Variants in KDM4C observed in about 807,000 individuals in gnomAD.
KDM4C encodes the protein lysine demethylase 4C.
KDM4C carries 81 observed loss-of-function variants against 129.3 expected under a neutral mutation model. The ratio of observed to expected loss-of-function variants is 0.63; its 90% CI spans 0.52 to 0.75. KDM4C has a LOEUF of 0.75. Ranked by LOEUF, KDM4C falls within the 30% of genes least tolerant of loss-of-function variation. The pLI is 0.00. For synonymous variants in KDM4C, 573 were observed against 456.1 expected (o/e 1.26, Z -3.26); for missense variants, 1,457 against 1,304.0 (o/e 1.12, Z -1.81).
chr9:6,904,750 T>C (rs746939532), intron 8 of KDM4C, among the ~76,000 whole-genome samples: 16 of 152,250 alleles, frequency 1.1e-4, no homozygotes, highest in Non-Finnish European at 2.1e-4. Context: ...AGAAAAACTT[T>C]AATAAATTCC....
intron 4 of KDM4C, among the ~76,000 whole-genome samples, chr9:6,840,452 A>G (rs1479114542): frequency 6.6e-6 from 1 of 151,550 alleles, no homozygotes; most frequent in Non-Finnish European, 1.5e-5. Context: ...GCTGGAGTGC[A>G]GTGGTGGGAT....
chr9:7,164,279 A>C (rs1312633348), intron 19 of KDM4C, among the ~76,000 whole-genome samples: 1 of 152,182 alleles, frequency 6.6e-6, no homozygotes, highest in Admixed American at 6.5e-5. Context: ...ATACAAATTT[A>C]AAAGTTTGCA....
chr9:6,833,119 T>C (rs1835209854), intron 4 of KDM4C, among the ~76,000 whole-genome samples: 1 of 151,958 alleles, frequency 6.6e-6, no homozygotes, highest in Non-Finnish European at 1.5e-5. Flanking sequence ...ATGGCTGTTT[T>C]AGTATATGTT....
At position 7,103,884 on chromosome 9, in the gene KDM4C, T is replaced by C; in HGVS notation, c.2610+14T>C. ...AACCCCAACGTGGTAAGATGTGCCC[T>C]CCCTTCCTCAGTGCTAAGACCGTGT... On this transcript the variant is annotated intron_variant, in intron 18 of 21. Transcript: ENST00000381309. 1 of 1,612,054 alleles carries C rather than the reference T, an allele frequency of 6.2e-7. No individual in the cohort carries two copies. The highest frequency in any genetic ancestry group is 8.5e-7 in the Non-Finnish European group (1 of 1,178,360).
chr9:6,983,842 C>A (rs1354337073), intron 9 of KDM4C, among the ~76,000 whole-genome samples: 1 of 152,028 alleles, frequency 6.6e-6, no homozygotes, highest in Non-Finnish European at 1.5e-5. Context: ...ATTTCTGTCT[C>A]ATTTCAACAT....
chr9:6,920,288 A>G (rs575651189), intron 8 of KDM4C, among the ~76,000 whole-genome samples: 1 of 152,308 alleles, frequency 6.6e-6, no homozygotes, highest in South Asian at 2.1e-4. Flanking sequence ...AAACAGTTCA[A>G]AAAAGAAAAT....
Position 7,104,132 on chromosome 9 carries a change from C to G in KDM4C, c.2610+262C>G, listed in dbSNP as rs954778305. ...AATGAACAGATGCATGCAGAAAACT[C>G]TCCATGCCTGTTCTGGTGTTGGATC... is the stretch of plus-strand genomic sequence containing the variant. On this transcript the variant is annotated intron_variant, in intron 18 of 21. Transcript: ENST00000381309. The G allele has an allele frequency of 7.7e-5, 32 of 417,032 alleles. No homozygotes were observed. The Admixed American group carries it at 9.7e-4, about 13-fold the overall frequency. The allele number at this position is 417,032 out of a possible 1,614,324, so 25.8% of individuals were successfully genotyped here. A position where few individuals can be genotyped will look rare whatever the true frequency, so the allele number is the denominator to read the frequency against.
chr9:6,863,599 A>G (rs1402549300), intron 5 of KDM4C, among the ~76,000 whole-genome samples: 2 of 152,048 alleles, frequency 1.3e-5, no homozygotes, highest in Non-Finnish European at 2.9e-5. Context: ...GATCGAGACC[A>G]TCCTGGCTAA....
intron 15 of KDM4C, among the ~76,000 whole-genome samples, chr9:7,025,944 C>A (rs1332607677): frequency 6.6e-6 from 1 of 152,166 alleles, no homozygotes; most frequent in Non-Finnish European, 1.5e-5. Context: ...GTGGCCCATG[C>A]CTGTAATCCC....
chr9:7,053,343 G>A (rs938610115), intron 17 of KDM4C, among the ~76,000 whole-genome samples: 1 of 152,092 alleles, frequency 6.6e-6, no homozygotes, highest in African/African-American at 2.4e-5. Flanking sequence ...ATTTTGTGGC[G>A]GATACAGGAA....
At chr9:7,058,327 A>C (rs959973679) in intron 17 of KDM4C, among the ~76,000 whole-genome samples, 1 of 152,214 alleles carries the variant, frequency 6.6e-6, no homozygotes, top group Admixed American at 6.5e-5. Context: ...TGCAAGTGCA[A>C]CGGCTGGTAA....
At chr9:6,747,460 A>G (rs766778091) in intron 1 of KDM4C, among the ~76,000 whole-genome samples, 7 of 148,740 alleles carry the variant, frequency 4.7e-5, no homozygotes, top group Non-Finnish European at 8.9e-5. Flanking sequence ...AGGCAGGAGA[A>G]TAGTGTGAAC....
At chr9:7,021,120 A>ATGTGTGTG (rs576805327) in intron 15 of KDM4C, among the ~76,000 whole-genome samples, 2 of 128,300 alleles carry the variant, frequency 1.6e-5, no homozygotes, top group African/African-American at 5.7e-5. Flanking sequence ...ACATATATAT[A>ATGTGTGTG]TGTGTGTGTG....
intron 5 of KDM4C, among the ~76,000 whole-genome samples, chr9:6,867,859 G>A (rs1588827989): frequency 6.6e-6 from 1 of 152,102 alleles, no homozygotes; most frequent in East Asian, 1.9e-4. Flanking sequence ...TTTTATTGCA[G>A]TAGCAGAACG....
In KDM4C at chr9:6,986,498, C is replaced by G. The variant is rs373821690; in HGVS notation, c.1509C>G (p.Ser503=). Residue 503 remains serine, a synonymous_variant, in exon 11 of 22, where the codon TCC becomes TCG. Coordinates refer to ENST00000381309, the MANE Select transcript of KDM4C (RefSeq NM_015061.6). ...AGAAGCCCGAGAAATCAGACCCATC[C>G]GAGCTTTCATGGCCAAAGTCACCTG... ...GYEKPEKSDP[S]ELSWPKSPES... 1.2e-6 allele frequency: 2 copies of G among 1,614,064 alleles called. No individual in the cohort carries two copies. The highest frequency in any genetic ancestry group is 1.7e-6 in the Non-Finnish European group (2 of 1,180,024).
chr9:7,090,482 A>G (rs953711772), intron 17 of KDM4C, among the ~76,000 whole-genome samples: 12 of 151,206 alleles, frequency 7.9e-5, no homozygotes, highest in African/African-American at 3.0e-4. Context: ...TAGTCAAGTA[A>G]ATTGCTTGTG....
intron 18 of KDM4C, among the ~76,000 whole-genome samples, chr9:7,122,074 G>C (rs1055105904): frequency 2.0e-5 from 3 of 152,022 alleles, no homozygotes; most frequent in African/African-American, 7.2e-5. Flanking sequence ...CCTGAGACTG[G>C]GTAATTTATA....
chr9:6,759,965 A>AAATAAATG (rs1463500642), intron 1 of KDM4C, among the ~76,000 whole-genome samples: 1 of 101,714 alleles, frequency 9.8e-6, no homozygotes, highest in Non-Finnish European at 2.2e-5. Context: ...GTAAAAATAT[A>AAATAAATG]AATAAATAAA....
chr9:6,744,583 G>C (rs1257973613), intron 1 of KDM4C, among the ~76,000 whole-genome samples: 3 of 151,868 alleles, frequency 2.0e-5, no homozygotes, highest in African/African-American at 4.8e-5. Flanking sequence ...TTATAATAGA[G>C]ACAGGGTCTA....
Sources: allele counts gnomAD v4.1 joint callset (sites outside exome capture counted in the v4.1 genomes callset), GRCh38; gene constraint gnomAD v4.1.1; transcripts MANE v1.5; gene names NCBI Gene and HGNC (gene_info 2026-07-23, HGNC 2026-07-21).